Variants in COL20A1 observed in about 807,000 individuals in gnomAD.
COL20A1 encodes collagen alpha-1(XX) chain.
COL20A1 carries 164 observed loss-of-function variants against 152.9 expected under a neutral mutation model. The ratio of observed to expected loss-of-function variants is 1.07; its 90% CI spans 0.94 to 1.22. The LOEUF (loss-of-function observed/expected upper bound fraction) is 1.22. Ranked by LOEUF, COL20A1 falls within the 50% of genes most tolerant of loss-of-function variation. The probability of loss-of-function intolerance (pLI) is 0.00; values close to 1 mark genes in which losing one functional copy is unlikely to be tolerated. For missense variants in COL20A1, 1,873 were observed against 1,744.8 expected (o/e 1.07, Z -1.31); for synonymous variants, 864 against 756.0 (o/e 1.14, Z -2.34).
At position 63,313,439 on chromosome 20, in the gene COL20A1, C is replaced by T. The variant is rs2068042612; in HGVS notation, c.2209+190C>T. ...GCTCACACGGGTATAGGTGTTCCCC[C>T]AGTGGCCGAGTGCACAAACCACCTA... On this transcript the variant is annotated intron_variant, in intron 17 of 35. Transcript: ENST00000358894. This position sits in a 1 kb window ranked among gnomAD's most constrained non-coding sequence, Gnocchi z 5.9. 6.6e-6 allele frequency among the ~76,000 whole-genome samples: 1 copy of T among 152,202 alleles called. No individual in the cohort carries two copies. Among genetic ancestry groups the T allele is most frequent in the South Asian group, 2.1e-4 (1 of 4,824 alleles).
chr20:63,325,505 TG>T lies in COL20A1; in HGVS notation c.3348+15del. ...CTTCCAGGCTTGCAGGTAGTGTGGC[TG>T]GGGCCAGGGGGCCACAGGGGTTGGT... On this transcript the variant is annotated intron_variant, in intron 28 of 35. Transcript: ENST00000358894. 1 of 1,605,988 alleles carries T rather than the reference TG, an allele frequency of 6.2e-7. No individual in the cohort carries two copies. Among genetic ancestry groups the T allele is most frequent in the Non-Finnish European group, 8.5e-7 (1 of 1,175,598 alleles).
chr20:63,319,601 T>C lies in COL20A1; in HGVS notation c.2916+5T>C. 1 of 1,561,246 alleles carries C rather than the reference T, an allele frequency of 6.4e-7. No individual in the cohort carries two copies. Reference sequence around the variant, plus strand: ...TTCTTCGGGAGCTTCCACAAGGTCCTGGTGCAGCTCGCGCCCCTCTCCCCC... The same window carrying C: ...TTCTTCGGGAGCTTCCACAAGGTCCCGGTGCAGCTCGCGCCCCTCTCCCCC... On this transcript the variant is annotated splice_donor_5th_base_variant and intron_variant, in intron 23 of 35. Transcript: ENST00000358894. This position sits in a 1 kb window ranked among gnomAD's most constrained non-coding sequence, Gnocchi z 4.4.
Position 63,329,693 on chromosome 20 carries a change from A to G in COL20A1, c.*3+32A>G, listed in dbSNP as rs6011741. On this transcript the variant is annotated intron_variant, in intron 35 of 35. Transcript: ENST00000358894. ...CCCTGCTGCCTGCATCTATCTGCCA[A>G]GGCTGAGGGCATCCAGGAAGGAGGA... 8.5e-3 allele frequency: 12,438 copies of G among 1,470,036 alleles called. 738 individuals carry two copies. The African/African-American group carries it at 0.14, about 16-fold the overall frequency. The allele number at this position is 1,470,036 out of a possible 1,614,324, so 91.1% of individuals were successfully genotyped here. A position where few individuals can be genotyped will look rare whatever the true frequency, so the allele number is the denominator to read the frequency against.
At position 63,325,753 on chromosome 20, in the gene COL20A1, G is replaced by T. The variant is rs768453081; in HGVS notation, c.3402+32G>T. On this transcript the variant is annotated intron_variant, in intron 29 of 35. Coordinates refer to ENST00000358894, the MANE Select transcript of COL20A1 (RefSeq NM_020882.4). The stretch of plus-strand genomic sequence containing the variant: ...GCTCTGGGCTTGGAGGGTTCTGTCA[G>T]GGTGGTAGAGACTGGCCTGGGGACG... The T allele has an allele frequency of 1.1e-5, 18 of 1,600,374 alleles. No individual in the cohort carries two copies. The East Asian group carries it at 4.0e-4, about 36-fold the overall frequency.
At chr20:63,324,060 C>T (rs1340839746) in intron 27 of COL20A1, among the ~76,000 whole-genome samples, 1 of 152,212 alleles carries the variant, frequency 6.6e-6, no homozygotes, top group Non-Finnish European at 1.5e-5. Context: ...TTCCTACAGA[C>T]CCACTCGGTT....
chr20:63,325,288 G>A, intron 27 of COL20A1, 153 bp from the exon 28 acceptor site: 2 of 722,110 alleles, frequency 2.8e-6, no homozygotes, highest in South Asian at 3.0e-5. Context: ...GGGCCACCCG[G>A]ACAGATGGGA....
rs765455933 is a variant in COL20A1, at chr20:63,328,144, G to C, written c.3613+17G>C. Reference sequence around the variant, plus strand: ...GCCAGGCCTGTGAGTCTGCCATTCAGAGTGAGTGAGGCCAGCAGCCCTGCA... The same window carrying C: ...GCCAGGCCTGTGAGTCTGCCATTCACAGTGAGTGAGGCCAGCAGCCCTGCA... On this transcript the variant is annotated intron_variant, in intron 33 of 35. Transcript: ENST00000358894. The C allele has an allele frequency of 6.2e-7, 1 of 1,612,760 alleles. No homozygotes were observed. Among genetic ancestry groups the C allele is most frequent in the Non-Finnish European group, 8.5e-7 (1 of 1,179,622 alleles).
chr20:63,325,175 A>G (rs905019229), intron 27 of COL20A1: 4 of 634,002 alleles, frequency 6.3e-6, no homozygotes, highest in Admixed American at 4.5e-5. Flanking sequence ...CTGAATGCCC[A>G]GAGGGCTGGG....
chr20:63,312,355 C>G lies in COL20A1; in HGVS notation c.1804-65C>G. On this transcript the variant is annotated intron_variant, in intron 14 of 35. Coordinates refer to ENST00000358894, the MANE Select transcript of COL20A1 (RefSeq NM_020882.4). ...CTGGCTGCAGGTGCTGGGCCTGATT[C>G]TCCACCCCAGCAAGGGCTCCAGGCA... 3 of 1,449,172 alleles carry G rather than the reference C, an allele frequency of 2.1e-6. No homozygotes were observed. The Admixed American group carries it at 7.5e-5, about 36-fold the overall frequency. The allele number at this position is 1,449,172 out of a possible 1,614,324, so 89.8% of individuals were successfully genotyped here. A position where few individuals can be genotyped will look rare whatever the true frequency, so the allele number is the denominator to read the frequency against.
chr20:63,308,264 G>A (rs1295802009), intron 7 of COL20A1, among the ~76,000 whole-genome samples, 174 bp downstream of exon 7: 3 of 152,200 alleles, frequency 2.0e-5, no homozygotes, highest in Non-Finnish European at 4.4e-5. Flanking sequence ...TGAAAACGAG[G>A]GCCTGTGTCC....
Position 63,313,255 on chromosome 20 carries a change from T to C in COL20A1, c.2209+6T>C. On this transcript the variant is annotated splice_donor_region_variant and intron_variant, in intron 17 of 35. Coordinates refer to ENST00000358894, the MANE Select transcript of COL20A1 (RefSeq NM_020882.4). The surrounding 1 kb of genome is among the most constrained non-coding windows in gnomAD (Gnocchi z 5.9). ...GTCCCTCCGCTATACCCCCTGTAGG[T>C]GCCCCTCCACTTCCCCTCTGCTGGG... 3.7e-6 allele frequency: 6 copies of C among 1,604,518 alleles called. No homozygotes were observed. Among genetic ancestry groups the C allele is most frequent in the Non-Finnish European group, 5.1e-6 (6 of 1,174,208 alleles).
chr20:63,295,490 A>G (rs1404836207), intron 2 of COL20A1, among the ~76,000 whole-genome samples: 2 of 152,170 alleles, frequency 1.3e-5, no homozygotes, highest in Non-Finnish European at 2.9e-5. Context: ...AGGCTGGGGT[A>G]AAGATGGAGC....
At chr20:63,309,943 C>T (rs746148096) in intron 10 of COL20A1, 28 bp downstream of exon 10, 14 of 1,531,082 alleles carry the variant, frequency 9.1e-6, no homozygotes, top group Middle Eastern at 1.8e-4. Context: ...CAGGGCTCCC[C>T]GAGCCGGTCC....
intron 2 of COL20A1, 58 bp downstream of exon 2, chr20:63,295,247 GC>G: frequency 8.4e-7 from 1 of 1,195,106 alleles, no homozygotes; most frequent in Non-Finnish European, 1.2e-6. Flanking sequence ...CCCCACCAGT[GC>G]CCACGCGGGA....
intron 1 of COL20A1, among the ~76,000 whole-genome samples, chr20:63,293,873 G>A (rs1601395078): frequency 7.0e-6 from 1 of 143,324 alleles, no homozygotes; most frequent in East Asian, 2.1e-4. Flanking sequence ...CACACTGGGA[G>A]GGGGCGTGTA....
intron 26 of COL20A1, among the ~76,000 whole-genome samples, chr20:63,321,474 C>T (rs895969358): frequency 1.3e-5 from 2 of 152,216 alleles, no homozygotes; most frequent in East Asian, 1.9e-4. Context: ...AGGCTTGGGA[C>T]GGATCCAGGC....
In COL20A1 at chr20:63,319,182, C is replaced by G. The variant is rs200320542; in HGVS notation, c.2788C>G (p.Leu930Val). The change falls in exon 22 of 36, where the codon CTT becomes GTT. Residue 930 changes from leucine (L) to valine (V), a missense_variant. By Grantham distance (32) the Leu-to-Val change is conservative. Coordinates refer to ENST00000358894, the MANE Select transcript of COL20A1 (RefSeq NM_020882.4). The surrounding 1 kb of genome is among the most constrained non-coding windows in gnomAD (Gnocchi z 4.4). ...GACAGCCGAGGACTTCCAGCCCCTCCTTGGGGTTCTGCTGGATGGTGACGT... is the reference window on the plus strand; with the variant it reads ...GACAGCCGAGGACTTCCAGCCCCTCGTTGGGGTTCTGCTGGATGGTGACGT... ...QMTAEDFQPLLGVLLDAGKKS... is the reference protein window; with the variant it reads ...QMTAEDFQPLVGVLLDAGKKS... 3.8e-5 allele frequency: 62 copies of G among 1,612,692 alleles called. No homozygotes were observed. Among genetic ancestry groups the G allele is most frequent in the Non-Finnish European group, 5.3e-5 (62 of 1,179,698 alleles).
Position 63,309,741 on chromosome 20 carries a change from T to C in COL20A1, c.1106-17T>C. 6.5e-7 allele frequency: 1 copy of C among 1,539,938 alleles called. No individual in the cohort carries two copies. The highest frequency in any genetic ancestry group is 8.7e-7 in the Non-Finnish European group (1 of 1,145,178). On this transcript the variant is annotated splice_polypyrimidine_tract_variant and intron_variant, in intron 9 of 35. Coordinates refer to ENST00000358894, the MANE Select transcript of COL20A1 (RefSeq NM_020882.4). ...CGTGCAGTGACCACCTGCCCCCCAC[T>C]CCCGCTACTCCAGCAGCAGCGGCTC...
In COL20A1 at chr20:63,312,002, G is replaced by T; in HGVS notation, c.1750G>T (p.Val584Leu). 1 of 1,606,792 alleles carries T rather than the reference G, an allele frequency of 6.2e-7. No individual in the cohort carries two copies. Among genetic ancestry groups the T allele is most frequent in the Non-Finnish European group, 8.5e-7 (1 of 1,177,494 alleles). Residue 584 changes from valine (V) to leucine (L), a missense_variant, in exon 14 of 36, where the codon GTG (valine) becomes TTG (leucine). Physicochemically the swap from Val to Leu is conservative, Grantham distance 32. Coordinates refer to ENST00000358894, the MANE Select transcript of COL20A1 (RefSeq NM_020882.4). Reference sequence around the variant, plus strand: ...GTTCTGGGAGGGTGCCCCGAGGCCTGTGCGCCTGGTCAGGGTCACCTATGT... The same window carrying T: ...GTTCTGGGAGGGTGCCCCGAGGCCTTTGCGCCTGGTCAGGGTCACCTATGT... ...RVFWEGAPRP[V>L]RLVRVTYVSS...
Sources: allele counts gnomAD v4.1 joint callset (sites outside exome capture counted in the v4.1 genomes callset), GRCh38; gene constraint gnomAD v4.1.1; non-coding constraint Gnocchi (gnomAD v3.1); transcripts MANE v1.5; gene names NCBI Gene and HGNC (gene_info 2026-07-23, HGNC 2026-07-21).